Variants in CEP63 observed in about 807,000 individuals in gnomAD.
The protein encoded by CEP63 is centrosomal protein 63, also known as centrosomal protein of 63 kDa.
CEP63 carries 84 observed loss-of-function variants against 89.1 expected under a neutral mutation model. The observed-to-expected ratio is 0.94, with a 90% CI of 0.79 to 1.13. The LOEUF (loss-of-function observed/expected upper bound fraction) is 1.13. Among genes scored for constraint, CEP63 ranks in the 50% most tolerant of loss-of-function variants. The pLI is 0.00. For missense variants in CEP63, 838 were observed against 813.3 expected, an observed-to-expected ratio of 1.03 and a Z score of -0.37; for synonymous variants, 267 against 272.5, an observed-to-expected ratio of 0.98 and a Z score of 0.20.
the CEP63 span, among the ~76,000 whole-genome samples, chr3:134,597,344 C>T: frequency 2.0e-5 from 3 of 152,238 alleles, no homozygotes; most frequent in Non-Finnish European, 4.4e-5. Context: ...GCTGTCCCTT[C>T]CACAAACCAT....
At chr3:134,499,153 C>G (rs148348921) in intron 2 of CEP63, among the ~76,000 whole-genome samples, 3 of 152,264 alleles carry the variant, frequency 2.0e-5, no homozygotes, top group African/African-American at 7.2e-5. Context: ...AGCAGTAATG[C>G]CATCAGGTCC....
chr3:134,719,519 T>A, the CEP63 span, among the ~76,000 whole-genome samples: 1 of 152,228 alleles, frequency 6.6e-6, no homozygotes. Flanking sequence ...TACAACTTAA[T>A]GTTTTTTAGT....
the CEP63 span, chr3:134,629,390 A>G: frequency 3.8e-6 from 2 of 527,066 alleles, no homozygotes; most frequent in Non-Finnish European, 6.8e-6. Context: ...TCTTCAGCTA[A>G]ATGTCTGTGT....
chr3:134,697,832 C>T, the CEP63 span, among the ~76,000 whole-genome samples: 3 of 152,166 alleles, frequency 2.0e-5, no homozygotes, highest in South Asian at 2.1e-4. Flanking sequence ...CAAGAGTAAC[C>T]GACAGTAAAC....
chr3:134,769,342 C>A, the CEP63 span, among the ~76,000 whole-genome samples: 1 of 152,124 alleles, frequency 6.6e-6, no homozygotes, highest in East Asian at 1.9e-4. Context: ...CCCCCCAACC[C>A]CAGGTAACTC....
At chr3:134,722,917 G>C in the CEP63 span, among the ~76,000 whole-genome samples, 1 of 152,210 alleles carries the variant, frequency 6.6e-6, no homozygotes, top group East Asian at 1.9e-4. Flanking sequence ...CAGTGGAGCA[G>C]AGCAAAAGCT....
At chr3:134,727,688 CT>C in the CEP63 span, among the ~76,000 whole-genome samples, 1 of 152,116 alleles carries the variant, frequency 6.6e-6, no homozygotes, top group Non-Finnish European at 1.5e-5. Context: ...TTAAAAATTC[CT>C]TGGATATTTA....
downstream of CEP63, among the ~76,000 whole-genome samples, chr3:134,569,364 C>A (rs1577488567): frequency 6.6e-6 from 1 of 152,238 alleles, no homozygotes; most frequent in African/African-American, 2.4e-5. Context: ...GAGTTAATTA[C>A]TTCTCAGATA....
At chr3:134,505,587 C>A (rs1433624362) in intron 2 of CEP63, among the ~76,000 whole-genome samples, 3 of 152,146 alleles carry the variant, frequency 2.0e-5, no homozygotes, top group Admixed American at 6.5e-5. Flanking sequence ...AGATCAATCC[C>A]CAGGCCCGTG....
At chr3:134,687,298 T>A in the CEP63 span, among the ~76,000 whole-genome samples, 16 of 152,360 alleles carry the variant, frequency 1.1e-4, no homozygotes, top group African/African-American at 3.8e-4. Flanking sequence ...AGGTTACTAC[T>A]ACCCCCTCTC....
the CEP63 span, among the ~76,000 whole-genome samples, chr3:134,737,146 A>G: frequency 6.6e-6 from 1 of 152,360 alleles, no homozygotes; most frequent in Non-Finnish European, 1.5e-5. Context: ...AATATAACCA[A>G]AAACTATTCT....
chr3:134,735,731 T>C, the CEP63 span, among the ~76,000 whole-genome samples: 1 of 152,090 alleles, frequency 6.6e-6, no homozygotes, highest in Admixed American at 6.5e-5. Context: ...AATACAGAAT[T>C]TGCAAATAAT....
the CEP63 span, among the ~76,000 whole-genome samples, chr3:134,598,764 C>G: frequency 2.0e-5 from 3 of 152,264 alleles, no homozygotes; most frequent in Non-Finnish European, 4.4e-5. Flanking sequence ...GAACTGGGGA[C>G]CCAGGAGGAG....
At chr3:134,734,643 T>A in the CEP63 span, among the ~76,000 whole-genome samples, 2 of 152,202 alleles carry the variant, frequency 1.3e-5, no homozygotes, top group African/African-American at 2.4e-5. Context: ...AAAATGGCAC[T>A]CACCAATACT....
intron 9 of CEP63, among the ~76,000 whole-genome samples, 168 bp downstream of exon 9, chr3:134,547,640 C>A (rs1953809842): frequency 4.4e-5 from 1 of 22,892 alleles, no homozygotes; most frequent in Non-Finnish European, 1.1e-4. Flanking sequence ...GAGACGGAGT[C>A]CGCTCTGTCA....
the CEP63 span, among the ~76,000 whole-genome samples, chr3:134,763,658 C>T: frequency 6.6e-6 from 1 of 152,182 alleles, no homozygotes; most frequent in Admixed American, 6.5e-5. Context: ...AGGAATATTC[C>T]TCCAATGCAC....
In CEP63 at chr3:134,572,281, G is replaced by T. The variant is rs78504109; in HGVS notation, c.1330-2512G>T. On this transcript the variant is annotated intron_variant, in intron 11 of 11. Coordinates refer to the CEP63 transcript ENST00000354446. ...AATTTCAACTTTTATTTTAAATTCA[G>T]GGGGTGCACGTGCAGGTTTGTTACA... Among the ~76,000 whole-genome samples, 904 of 152,216 alleles carry T rather than the reference G, an allele frequency of 5.9e-3. 22 individuals carry two copies. The South Asian group carries it at 0.074, about 12-fold the overall frequency.
At chr3:134,625,027 A>G in the CEP63 span, 277 of 1,570,420 alleles carry the variant, frequency 1.8e-4, 1 homozygote, top group Non-Finnish European at 8.6e-6. Context: ...GAAGGGGCCC[A>G]TGGTCAGAGC....
chr3:134,559,813 G>A (rs1345974594), intron 14 of CEP63, among the ~76,000 whole-genome samples: 2 of 152,234 alleles, frequency 1.3e-5, no homozygotes, highest in African/African-American at 2.4e-5. Context: ...GAGAAAGGGA[G>A]TGTGGAGGGG....
Sources: allele counts gnomAD v4.1 joint callset (sites outside exome capture counted in the v4.1 genomes callset), GRCh38; gene constraint gnomAD v4.1.1; transcripts MANE v1.5; gene names NCBI Gene and HGNC (gene_info 2026-07-23, HGNC 2026-07-21).